The following SDK1 variants were observed in gnomAD, a reference collection of about 807,000 sequenced individuals.
SDK1 encodes the protein sidekick cell adhesion molecule 1.
SDK1 carries 157 observed loss-of-function variants against 245.5 expected under a neutral mutation model. That is an observed-to-expected ratio of 0.64 (90% CI 0.56 to 0.73). The LOEUF is 0.73. Ranked by LOEUF, SDK1 falls within the 30% of genes least tolerant of loss-of-function variation. The pLI is 0.00. For missense variants in SDK1, 3,583 were observed against 3,002.3 expected (o/e 1.19, Z -4.52); for synonymous variants, 1,647 against 1,278.5 (o/e 1.29, Z -6.15).
chr7:3,800,252 C>T lies in SDK1; in HGVS notation c.714-21198C>T, dbSNP rs982155995. 2.0e-5 allele frequency among the ~76,000 whole-genome samples: 3 copies of T among 152,132 alleles called. No individual in the cohort carries two copies. In the South Asian group the frequency reaches 6.2e-4, roughly 32 times the overall value. ...GTTCTCTCAATTCTTAGCCAGCTGG[C>T]ACTGGAGTAATGGCATGTAAGGATC... On this transcript the variant is annotated intron_variant, in intron 4 of 44. Coordinates refer to ENST00000404826, the MANE Select transcript of SDK1 (RefSeq NM_152744.4).
intron 4 of SDK1, among the ~76,000 whole-genome samples, chr7:3,816,781 A>G (rs1223335691): frequency 6.6e-6 from 1 of 152,222 alleles, no homozygotes; most frequent in East Asian, 1.9e-4. Flanking sequence ...TGAGATCCAG[A>G]TTATACTCAG....
intron 4 of SDK1, among the ~76,000 whole-genome samples, chr7:3,728,337 G>A (rs1779076134): frequency 6.6e-6 from 1 of 152,148 alleles, no homozygotes; most frequent in African/African-American, 2.4e-5. Flanking sequence ...TCTTAAATCT[G>A]ACCAACTTAG....
chr7:4,230,494 G>T (rs557866961), intron 40 of SDK1, among the ~76,000 whole-genome samples: 86 of 147,902 alleles, frequency 5.8e-4, no homozygotes, highest in African/African-American at 2.0e-3. Context: ...AGGGAGGGAA[G>T]GAAGGAAAGA....
At chr7:3,961,976 C>T (rs1460301877) in intron 8 of SDK1, among the ~76,000 whole-genome samples, 1 of 151,240 alleles carries the variant, frequency 6.6e-6, no homozygotes, top group African/African-American at 2.5e-5. Flanking sequence ...TAAACACATG[C>T]ACATATATGC....
At chr7:3,937,503 T>C (rs180875408) in intron 5 of SDK1, among the ~76,000 whole-genome samples, 1 of 152,328 alleles carries the variant, frequency 6.6e-6, no homozygotes, top group African/African-American at 2.4e-5. Context: ...CAGGAGGCTT[T>C]TGTGGACATT....
chr7:3,497,619 C>T (rs1256321659), intron 1 of SDK1, among the ~76,000 whole-genome samples: 1 of 152,130 alleles, frequency 6.6e-6, no homozygotes, highest in African/African-American at 2.4e-5. Context: ...AATATCCTCC[C>T]TGATATCAGA....
chr7:3,951,304 G>C (rs923713812), intron 6 of SDK1, among the ~76,000 whole-genome samples: 3 of 152,186 alleles, frequency 2.0e-5, no homozygotes, highest in Non-Finnish European at 1.5e-5. Flanking sequence ...AGGGAAGAGA[G>C]AGGAGTTGAG....
intron 1 of SDK1, among the ~76,000 whole-genome samples, chr7:3,471,894 A>G (rs1196975665): frequency 1.3e-5 from 2 of 152,174 alleles, no homozygotes; most frequent in African/African-American, 2.4e-5. Context: ...AGTGTTTTGC[A>G]TTTGATTTTG....
intron 1 of SDK1, chr7:3,302,280 C>T (rs923847872): frequency 6.6e-6 from 1 of 152,270 alleles, no homozygotes; most frequent in Admixed American, 6.5e-5. Flanking sequence ...ATCCAGAAGA[C>T]TTGGAAATAT....
rs143405194 is a variant in SDK1, at chr7:3,861,980, C to G, written c.847+40397C>G. Among the ~76,000 whole-genome samples the G allele has an allele frequency of 2.2e-3, 328 of 152,260 alleles. 1 individual carries two copies. Among genetic ancestry groups the G allele is most frequent in the African/African-American group, 7.6e-3 (315 of 41,548 alleles). The stretch of plus-strand genomic sequence containing the variant: ...TCCTAGAAGACTCTAGTGACCCTGC[C>G]TTAAGTGACCTGGCAGCAAACAAAG... On this transcript the variant is annotated intron_variant, in intron 5 of 44. Coordinates refer to ENST00000404826, the MANE Select transcript of SDK1 (RefSeq NM_152744.4).
intron 1 of SDK1, among the ~76,000 whole-genome samples, chr7:3,530,926 T>A (rs151183517): frequency 2.4e-3 from 368 of 152,340 alleles, no homozygotes; most frequent in African/African-American, 8.6e-3. Context: ...TAAAATTTGA[T>A]TTGCAGTGAG....
intron 35 of SDK1, among the ~76,000 whole-genome samples, chr7:4,204,544 G>C (rs928023293): frequency 6.6e-6 from 1 of 152,154 alleles, no homozygotes; most frequent in African/African-American, 2.4e-5. Context: ...GGGGTGATGG[G>C]GAAGGGGCGA....
At chr7:3,800,400 G>C (rs553782291) in intron 4 of SDK1, among the ~76,000 whole-genome samples, 1 of 129,140 alleles carries the variant, frequency 7.7e-6, no homozygotes, top group Admixed American at 7.9e-5. Flanking sequence ...TTTATTTATT[G>C]AGACAGAGTC....
chr7:3,898,755 C>G (rs1005051974), intron 5 of SDK1, among the ~76,000 whole-genome samples: 1 of 152,126 alleles, frequency 6.6e-6, no homozygotes, highest in African/African-American at 2.4e-5. Flanking sequence ...GATTGCCAAA[C>G]TAAGTCTTAG....
chr7:3,865,091 T>C (rs1562499482), intron 5 of SDK1, among the ~76,000 whole-genome samples: 2 of 152,190 alleles, frequency 1.3e-5, no homozygotes, highest in South Asian at 4.2e-4. Context: ...CCAGCACGTT[T>C]TACTGACAGG....
chr7:3,494,822 G>A (rs1781974320), intron 1 of SDK1, among the ~76,000 whole-genome samples: 1 of 152,286 alleles, frequency 6.6e-6, no homozygotes, highest in African/African-American at 2.4e-5. Flanking sequence ...TCTACACACG[G>A]TTTATTTGTT....
chr7:3,682,692 G>C (rs1784143099), intron 4 of SDK1, among the ~76,000 whole-genome samples: 1 of 151,228 alleles, frequency 6.6e-6, no homozygotes, highest in African/African-American at 2.4e-5. Flanking sequence ...CTCAGAAGGG[G>C]GGATCTCAAA....
chr7:3,638,566 T>C (rs568874131), intron 2 of SDK1, among the ~76,000 whole-genome samples: 192 of 135,982 alleles, frequency 1.4e-3, no homozygotes, highest in Non-Finnish European at 2.4e-3. Flanking sequence ...TTCTCACTCA[T>C]AGGTGGGAAT....
At chr7:4,074,978 C>T (rs1359236275) in intron 20 of SDK1, among the ~76,000 whole-genome samples, 1 of 144,886 alleles carries the variant, frequency 6.9e-6, no homozygotes, top group Non-Finnish European at 1.5e-5. Context: ...GAGTGGTTGG[C>T]CTGGGTAGTC....
Sources: gnomAD v4.1 joint callset for allele counts (sites outside exome capture counted in the v4.1 genomes callset) on GRCh38, gnomAD v4.1.1 for gene constraint, MANE v1.5 for transcripts, NCBI Gene and HGNC (gene_info 2026-07-23, HGNC 2026-07-21) for gene names.